The following TTN variants were observed in gnomAD, a reference collection of about 807,000 sequenced individuals.
TTN encodes titin.
Under a neutral mutation model 3,223.0 loss-of-function variants are expected in TTN, and 1,525 were observed. The observed-to-expected ratio is 0.47, with a 90% CI of 0.45 to 0.49. The LOEUF is 0.49. TTN is among the 20% of genes least tolerant of loss of function. The pLI is 0.00. For synonymous variants in TTN, 14,094 were observed against 15,161.0 expected, an observed-to-expected ratio of 0.93 and a Z score of 5.17; for missense variants, 40,786 against 43,424.0, an observed-to-expected ratio of 0.94 and a Z score of 5.40.
In TTN at chr2:178,718,590, G is replaced by T. The variant is rs72648978; in HGVS notation, c.24516C>A (p.Thr8172=). ...TTHLFVKEPA[T]FVKRLADFSV... is the part of the protein sequence containing the mutation. The stretch of plus-strand genomic sequence containing the variant: ...TGAAATCAGCCAATCTTTTCACAAA[G>T]GTGGCTGGTTCTATAAGGAGAAAAC... Residue 8172 remains threonine, a synonymous_variant, in exon 85 of 363, where the codon ACC becomes ACA. Transcript: ENST00000589042. 6.2e-7 allele frequency: 1 copy of T among 1,611,782 alleles called. No individual in the cohort carries two copies. Among genetic ancestry groups the T allele is most frequent in the East Asian group, 2.2e-5 (1 of 44,834 alleles).
At position 178,577,160 on chromosome 2, in the gene TTN, G is replaced by A. The variant is rs1394979272; in HGVS notation, c.69175C>T (p.Leu23059Phe). Residue 23059 changes from leucine (L) to phenylalanine (F), a missense_variant, in exon 324 of 363, where the codon CTT (leucine) becomes TTT (phenylalanine). Coordinates refer to ENST00000589042, the MANE Select transcript of TTN (RefSeq NM_001267550.2). The stretch of plus-strand genomic sequence containing the variant: ...TCTTCCAAGGGAGGTGTCCATGTAA[G>A]TGTTGCTTTTTCAGCAGAAACATTA... ...ISNVSAEKAT[L>F]TWTPPLEDGG... 1.2e-6 allele frequency: 2 copies of A among 1,612,946 alleles called. No individual in the cohort carries two copies. Among genetic ancestry groups the A allele is most frequent in the African/African-American group, 1.3e-5 (1 of 74,848 alleles).
At chr2:178,732,418 A>G (rs1250420302) in intron 56 of TTN, 22 bp downstream of exon 56, 1 of 1,588,130 alleles carries the variant, frequency 6.3e-7, no homozygotes, top group South Asian at 1.2e-5. Context: ...TAGCACAAAG[A>G]TGTCAAGAAA....
At chr2:178,673,015 C>A (rs1300230531) in intron 152 of TTN, among the ~76,000 whole-genome samples, 1 of 151,494 alleles carries the variant, frequency 6.6e-6, no homozygotes, top group East Asian at 1.9e-4. Context: ...GAAGTGATTA[C>A]CATTGTAGAG....
At position 178,570,352 on chromosome 2, in the gene TTN, C is replaced by G. The variant is rs1707726034; in HGVS notation, c.75780G>C (p.Gln25260His). Residue 25260 changes from glutamine (Q) to histidine (H), a missense_variant, in exon 326 of 363, where the codon CAG becomes CAC. Transcript: ENST00000589042. ...GCTTAGTAACCTTGCAGCTGAGAGT[C>G]TGCACATTGGCATCAACCACAGTCC... ...LVWTVVDANV[Q>H]TLSCKVTKLL... 7.4e-6 allele frequency: 12 copies of G among 1,613,278 alleles called. No individual in the cohort carries two copies. Among genetic ancestry groups the G allele is most frequent in the Non-Finnish European group, 9.3e-6 (11 of 1,179,610 alleles).
chr2:178,704,181 T>C lies in TTN; in HGVS notation c.30189A>G (p.Glu10063=). 1 of 1,613,966 alleles carries C rather than the reference T, an allele frequency of 6.2e-7. No individual in the cohort carries two copies. The highest frequency in any genetic ancestry group is 8.5e-7 in the Non-Finnish European group (1 of 1,179,860). ...EDQGQYTCKY[E]DLETSAELRI... ...TGAGTTCTGCTGAAGTTTCAAGGTCTTCATATTTGCAGGTGTACTGACCCT... is the reference window on the plus strand; with the variant it reads ...TGAGTTCTGCTGAAGTTTCAAGGTCCTCATATTTGCAGGTGTACTGACCCT... Residue 10063 remains glutamate (E), a synonymous_variant, in exon 106 of 363, where the codon GAA becomes GAG. Transcript: ENST00000589042.
intron 47 of TTN, chr2:178,746,089 A>G (rs752013734): frequency 1.9e-6 from 3 of 1,613,460 alleles, no homozygotes; most frequent in Non-Finnish European, 2.5e-6. Context: ...GAATTTTAAG[A>G]GTGTGACTTC....
chr2:178,671,462 C>T lies in TTN; in HGVS notation c.35228-292G>A, dbSNP rs1577208710. On this transcript the variant is annotated intron_variant, in intron 155 of 362. Coordinates refer to ENST00000589042, the MANE Select transcript of TTN (RefSeq NM_001267550.2). ...ACTTATTTGTGCTATGGCTTGTCTT[C>T]ACAGTATGCTAGAATACAGGTGCCA... Among the ~76,000 whole-genome samples, 3 of 151,826 alleles carry T rather than the reference C, an allele frequency of 2.0e-5. No homozygotes were observed. In the South Asian group the frequency reaches 6.2e-4, roughly 31 times the overall value.
rs1465558432 is a variant in TTN at position 178,800,533 on chromosome 2, C to T, written c.445G>A (p.Asp149Asn). The change falls in exon 4 of 363, where the codon GAT becomes AAT. Residue 149 changes from aspartate (D) to asparagine (N), a missense_variant. Asp to Asn is a conservative substitution (Grantham distance 23). Transcript: ENST00000589042. ...TCGCCTTCTTGTGAAATTTGGAAAT[C>T]AAGGGAGCTCTGGATTTCGGCTCCA... Reference protein sequence around the residue: ...RDGAEIQSSLDFQISQEGDLY... With the variant: ...RDGAEIQSSLNFQISQEGDLY... The T allele has an allele frequency of 5.0e-6, 8 of 1,614,136 alleles. No individual in the cohort carries two copies. Among genetic ancestry groups the T allele is most frequent in the Non-Finnish European group, 6.8e-6 (8 of 1,180,002 alleles).
At position 178,776,052 on chromosome 2, in the gene TTN, C is replaced by T. The variant is rs2092189053; in HGVS notation, c.5812G>A (p.Val1938Ile). ...EIQQREDFRS[V>I]LRRAPEPRPE... ...CTTGGTTCAGGAGCTCTCCTAAGGA[C>T]AGACCTAAAATCTTCCCTCTGTTGA... Residue 1938 changes from valine (V) to isoleucine (I), a missense_variant, in exon 28 of 363, where the codon GTC becomes ATC. Transcript: ENST00000589042. 4 of 1,614,180 alleles carry T rather than the reference C, an allele frequency of 2.5e-6. No homozygotes were observed. Among genetic ancestry groups the T allele is most frequent in the Non-Finnish European group, 3.4e-6 (4 of 1,179,996 alleles).
chr2:178,599,635 T>C lies in TTN; in HGVS notation c.56266A>G (p.Arg18756Gly). The change falls in exon 289 of 363, where the codon AGG becomes GGG. Residue 18756 changes from arginine to glycine, a missense_variant. By Grantham distance (125) the Arg-to-Gly change is moderately radical. Transcript: ENST00000589042. ...TCTLVIPQSRRSDTGLYTITA... is the reference protein window; with the variant it reads ...TCTLVIPQSRGSDTGLYTITA... ...ATGGTATATAAGCCAGTGTCACTCC[T>C]GCGAGACTGCGGAATAACTAAAGTG... 1 of 1,612,696 alleles carries C rather than the reference T, an allele frequency of 6.2e-7. No individual in the cohort carries two copies.
Position 178,741,566 on chromosome 2 carries a change from C to A in TTN, c.11667G>T (p.Glu3889Asp), listed in dbSNP as rs377423256. ...ILFTKLEDEG[E>D]YTCMASNDYG... ...AGTCATTACTGGCCATACATGTATA[C>A]TCTCCCTCATCCTCCAATTTGGTGA... The change falls in exon 48 of 363, where the codon GAG becomes GAT. Residue 3889 changes from glutamate to aspartate, a missense_variant. Transcript: ENST00000589042. 1.1e-5 allele frequency: 17 copies of A among 1,613,646 alleles called. No homozygotes were observed. In the African/African-American group the frequency reaches 1.9e-4, roughly 18 times the overall value.
chr2:178,596,218 T>A (rs1266810939), intron 294 of TTN, among the ~76,000 whole-genome samples: 8 of 152,072 alleles, frequency 5.3e-5, no homozygotes, highest in Non-Finnish European at 1.0e-4. Flanking sequence ...CTCGAACTCC[T>A]GACCTCAAGT....
chr2:178,747,320 C>A, intron 47 of TTN: 1 of 1,613,304 alleles, frequency 6.2e-7, no homozygotes, highest in Non-Finnish European at 8.5e-7. Context: ...TGTGGAATAT[C>A]TTTCAACTGT....
At position 178,563,691 on chromosome 2, in the gene TTN, T is replaced by A. The variant is rs780039092; in HGVS notation, c.82441A>T (p.Ile27481Phe). ...GTTACTACCATAGAATCTTTGGTGA[T>A]TGCTGAGACTTCAGGTGTTGAGGGA... The part of the protein sequence containing the change: ...GPPSTPEVSA[I>F]TKDSMVVTWA... The change falls in exon 326 of 363, where the codon ATC (isoleucine) becomes TTC (phenylalanine). Residue 27481 changes from isoleucine to phenylalanine, a missense_variant. By Grantham distance (21) the Ile-to-Phe change is conservative. Coordinates refer to ENST00000589042, the MANE Select transcript of TTN (RefSeq NM_001267550.2). The surrounding 1 kb of genome is among the most constrained non-coding windows in gnomAD (Gnocchi z 4.5). 5 of 1,613,676 alleles carry A rather than the reference T, an allele frequency of 3.1e-6. No homozygotes were observed. The African/African-American group carries it at 6.7e-5, about 22-fold the overall frequency.
At chr2:178,640,919 C>A (rs1249444108) in intron 220 of TTN, among the ~76,000 whole-genome samples, 1 of 151,862 alleles carries the variant, frequency 6.6e-6, no homozygotes, top group African/African-American at 2.4e-5. Flanking sequence ...AAAACCAACC[C>A]ATTTAAAAGC....
intron 282 of TTN, among the ~76,000 whole-genome samples, chr2:178,603,614 T>C (rs955895635): frequency 2.0e-5 from 3 of 152,016 alleles, no homozygotes; most frequent in African/African-American, 4.8e-5. Context: ...GTCTTTATTA[T>C]TGTGATTCCT....
chr2:178,618,149 T>C (rs1471800609), intron 252 of TTN, 40 bp downstream of exon 252: 2 of 1,609,956 alleles, frequency 1.2e-6, no homozygotes, highest in Non-Finnish European at 1.7e-6. Flanking sequence ...AGACTGCAAT[T>C]TACTTAAAAG....
chr2:178,527,487 A>G lies in TTN; in HGVS notation c.107639T>C (p.Leu35880Pro). ...AAGCATTTTACTAGTTGAGCTTTCC[A>G]GTTGTGTCATATTAGATATTCCCAT... ...SFMGISNMTQLESSTSKMLKA... is the reference protein window; with the variant it reads ...SFMGISNMTQPESSTSKMLKA... The change falls in exon 362 of 363, where the codon CTG becomes CCG. Residue 35880 changes from leucine (L) to proline (P), a missense_variant. By Grantham distance (98) the Leu-to-Pro change is moderately conservative. Coordinates refer to ENST00000589042, the MANE Select transcript of TTN (RefSeq NM_001267550.2). 6.2e-7 allele frequency: 1 copy of G among 1,613,934 alleles called. No individual in the cohort carries two copies. Among genetic ancestry groups the G allele is most frequent in the Non-Finnish European group, 8.5e-7 (1 of 1,179,846 alleles).
chr2:178,570,001 G>A lies in TTN; in HGVS notation c.76131C>T (p.Phe25377=). ...CAGCAGCATTCTCAGCAGAAACTCT[G>A]AACTCATAATCGTGATTTTCTATGA... ...TGLIENHDYE[F]RVSAENAAGL... The change falls in exon 326 of 363, where the codon TTC becomes TTT. Residue 25377 remains phenylalanine, a synonymous_variant. Transcript: ENST00000589042. The A allele has an allele frequency of 1.2e-6, 2 of 1,612,816 alleles. No individual in the cohort carries two copies. Among genetic ancestry groups the A allele is most frequent in the Non-Finnish European group, 1.7e-6 (2 of 1,179,274 alleles).
Sources: allele counts gnomAD v4.1 joint callset (sites outside exome capture counted in the v4.1 genomes callset), GRCh38; gene constraint gnomAD v4.1.1; non-coding constraint Gnocchi (gnomAD v3.1); transcripts MANE v1.5; gene names NCBI Gene and HGNC (gene_info 2026-07-23, HGNC 2026-07-21).